IGBP1: variants seen among roughly 807,000 people sequenced by gnomAD.
IGBP1 encodes the protein immunoglobulin-binding protein 1.
In IGBP1, 2 loss-of-function variants were observed where a neutral mutation model predicts 25.9. That is an observed-to-expected ratio of 0.08 (90% CI 0.03 to 0.24). The LOEUF (loss-of-function observed/expected upper bound fraction) is 0.24. Ranked by LOEUF, IGBP1 falls within the 10% of genes least tolerant of loss-of-function variation. IGBP1 has a pLI of 1.00. For missense variants in IGBP1, 187 were observed against 260.4 expected (o/e 0.72, Z 1.94); for synonymous variants, 96 against 93.4 (o/e 1.03, Z -0.16).
intron 5 of IGBP1, chrX:70,149,078 A>C: frequency 1.2e-5 from 4 of 342,064 alleles, no homozygotes; most frequent in Admixed American, 4.4e-5. Context: ...AAAATACAAA[A>C]TTAGCCGGAC....
At chrX:70,156,959 T>C (rs2085244999) in intron 6 of IGBP1, among the ~76,000 whole-genome samples, 1 of 111,460 alleles carries the variant, frequency 9.0e-6, no homozygotes, top group Non-Finnish European at 1.9e-5. Context: ...GAAAATAAAA[T>C]ACAGAGTAGA....
intron 6 of IGBP1, among the ~76,000 whole-genome samples, chrX:70,163,658 G>T (rs1414293470): frequency 9.0e-6 from 1 of 111,629 alleles, no homozygotes; most frequent in Non-Finnish European, 1.9e-5. Flanking sequence ...CATGCCTCCT[G>T]ATGAAGGAAT....
intron 6 of IGBP1, among the ~76,000 whole-genome samples, chrX:70,165,527 G>T (rs1036458070): frequency 1.8e-5 from 2 of 110,480 alleles, no homozygotes; most frequent in Non-Finnish European, 3.8e-5. Flanking sequence ...GGGCTTGGGG[G>T]GGGTGGGTGT....
At chrX:70,145,235 C>A (rs751350442) in intron 3 of IGBP1, among the ~76,000 whole-genome samples, 1 of 110,236 alleles carries the variant, frequency 9.1e-6, no homozygotes, top group Non-Finnish European at 1.9e-5. Flanking sequence ...TTTCAAGATA[C>A]GTCTCTTGGA....
intron 3 of IGBP1, among the ~76,000 whole-genome samples, chrX:70,146,224 G>C (rs895872094): frequency 2.1e-5 from 2 of 95,816 alleles, no homozygotes; most frequent in African/African-American, 7.0e-5. Context: ...TGCATCAGTG[G>C]CAGGTAAATG....
In IGBP1 at chrX:70,134,523, C is replaced by T. The variant is rs1401514811; in HGVS notation, c.189C>T (p.Ser63=). The change falls in exon 3 of 7, where the codon AGC becomes AGT. Residue 63 remains serine, a splice_region_variant and synonymous_variant. Transcript: ENST00000356413. ...AEMLSQLDLF[S]RNEDLEEIAS... ...CACTGCCTCCTTTTTGCTCTTCCAGCCGAAATGAAGATTTGGAAGAGATTG... is the reference window on the plus strand; with the variant it reads ...CACTGCCTCCTTTTTGCTCTTCCAGTCGAAATGAAGATTTGGAAGAGATTG... 1.7e-6 allele frequency: 2 copies of T among 1,209,771 alleles called. No individual in the cohort carries two copies. The highest frequency in any genetic ancestry group is 2.2e-5 in the Admixed American group (1 of 45,961).
Position 70,156,297 on chromosome X carries a change from A to T in IGBP1, c.871+5975A>T, listed in dbSNP as rs757900328. Reference sequence around the variant, plus strand: ...AAACCTTCAATTTGTTAAAAAAAAAAAAAAAAAAAAAAGTCTCTGCAAAGC... The same window carrying T: ...AAACCTTCAATTTGTTAAAAAAAAATAAAAAAAAAAAAGTCTCTGCAAAGC... On this transcript the variant is annotated intron_variant, in intron 6 of 6. Coordinates refer to ENST00000356413, the MANE Select transcript of IGBP1 (RefSeq NM_001551.3). 8.2e-5 allele frequency among the ~76,000 whole-genome samples: 9 copies of T among 109,268 alleles called. No individual in the cohort carries two copies. The East Asian group carries it at 1.4e-3, about 17-fold the overall frequency. The allele number at this position is 109,268 out of a possible 115,157, so 94.9% of individuals were successfully genotyped here.
intron 6 of IGBP1, among the ~76,000 whole-genome samples, chrX:70,157,251 T>G (rs1378524376): frequency 9.7e-6 from 1 of 102,638 alleles, no homozygotes; most frequent in Non-Finnish European, 2.0e-5. Flanking sequence ...TACCTAAGGT[T>G]TTACCTTAAC....
chrX:70,158,413 T>C (rs753598851), intron 6 of IGBP1, among the ~76,000 whole-genome samples: 6 of 112,331 alleles, frequency 5.3e-5, no homozygotes, highest in Non-Finnish European at 1.1e-4. Context: ...ATCATATTTC[T>C]TTAATTCACA....
At chrX:70,162,377 G>C (rs1202713523) in intron 6 of IGBP1, among the ~76,000 whole-genome samples, 4 of 112,212 alleles carry the variant, frequency 3.6e-5, no homozygotes, top group Admixed American at 1.9e-4. Context: ...CTGAGAAAGA[G>C]TTACATCCTA....
In IGBP1 at chrX:70,148,752, C is replaced by T. The variant is rs758472548; in HGVS notation, c.679-9C>T. ...CAAATTCACCTCTCATAATTAATTT[C>T]CTTCTTAGGCATCAACTTCTAACTC... On this transcript the variant is annotated splice_polypyrimidine_tract_variant and intron_variant, in intron 4 of 6. Coordinates refer to ENST00000356413, the MANE Select transcript of IGBP1 (RefSeq NM_001551.3). 1.7e-6 allele frequency: 2 copies of T among 1,165,395 alleles called. No homozygotes were observed. The highest frequency in any genetic ancestry group is 6.0e-5 in the East Asian group (2 of 33,584).
intron 6 of IGBP1, among the ~76,000 whole-genome samples, chrX:70,160,021 T>G (rs978312717): frequency 3.0e-4 from 33 of 111,156 alleles, no homozygotes; most frequent in Non-Finnish European, 7.6e-5. Flanking sequence ...CAGAGAGCAG[T>G]GTGTACAGAT....
chrX:70,142,232 G>A (rs1437372323), intron 3 of IGBP1, among the ~76,000 whole-genome samples: 2 of 111,793 alleles, frequency 1.8e-5, no homozygotes, highest in East Asian at 5.6e-4. Flanking sequence ...TCAGGAGGCT[G>A]AGGTTGGAGG....
intron 3 of IGBP1, among the ~76,000 whole-genome samples, chrX:70,145,483 G>C (rs2085160279): frequency 9.0e-6 from 1 of 111,064 alleles, no homozygotes; most frequent in South Asian, 3.8e-4. Context: ...AACAGCCAGA[G>C]TGGCCCATAT....
Position 70,136,563 on chromosome X carries a change from A to G in IGBP1, c.482+1747A>G, listed in dbSNP as rs775039731. ...CAGGGTTAATAAGCACAAATGGGAA[A>G]AATCACATAAAACAGCACAATATCT... On this transcript the variant is annotated intron_variant, in intron 3 of 6. Transcript: ENST00000356413. 1.4e-4 allele frequency among the ~76,000 whole-genome samples: 16 copies of G among 111,365 alleles called. No homozygotes were observed. In the East Asian group the frequency reaches 4.5e-3, roughly 31 times the overall value.
At chrX:70,141,926 G>T (rs997815148) in intron 3 of IGBP1, among the ~76,000 whole-genome samples, 2 of 110,869 alleles carry the variant, frequency 1.8e-5, no homozygotes, top group South Asian at 3.8e-4. Context: ...AAAGGGGGGG[G>T]GCTCTGAGAA....
intron 3 of IGBP1, among the ~76,000 whole-genome samples, chrX:70,143,752 C>T (rs2085147466): frequency 9.0e-6 from 1 of 111,466 alleles, no homozygotes; most frequent in African/African-American, 3.3e-5. Flanking sequence ...GTGTTGACAG[C>T]CCTCCTGATT....
At chrX:70,145,561 T>A (rs2085160658) in intron 3 of IGBP1, among the ~76,000 whole-genome samples, 1 of 111,544 alleles carries the variant, frequency 9.0e-6, no homozygotes, top group Non-Finnish European at 1.9e-5. Context: ...GCTTTCCCAT[T>A]CAAAATACCA....
intron 2 of IGBP1, 57 bp from the exon 3 acceptor site, chrX:70,134,465 CA>C: frequency 8.8e-7 from 1 of 1,135,741 alleles, no homozygotes; most frequent in African/African-American, 1.8e-5. Flanking sequence ...CCCCAGAAAG[CA>C]AGGGCCACAA....
Sources: gnomAD v4.1 joint callset for allele counts (sites outside exome capture counted in the v4.1 genomes callset) on GRCh38, gnomAD v4.1.1 for gene constraint, MANE v1.5 for transcripts, NCBI Gene and HGNC (gene_info 2026-07-23, HGNC 2026-07-21) for gene names.